Variants in ZSWIM8 observed in about 807,000 individuals in gnomAD.
ZSWIM8 encodes zinc finger SWIM domain-containing protein 8.
A neutral mutation model predicts 173.7 loss-of-function variants in ZSWIM8; 27 were observed. That is an observed-to-expected ratio of 0.16 (90% confidence interval 0.11 to 0.21). The LOEUF (loss-of-function observed/expected upper bound fraction) is 0.21, where lower values mean the gene tolerates loss of function less well. Ranked by LOEUF, ZSWIM8 falls within the 10% of genes least tolerant of loss-of-function variation. The pLI is 1.00. For synonymous variants in ZSWIM8, 958 were observed against 962.0 expected (o/e 1.00, Z 0.08); for missense variants, 1,627 against 2,428.8 (o/e 0.67, Z 6.94).
In ZSWIM8 at chr10:73,785,957, C is replaced by T; in HGVS notation, c.79C>T (p.Leu27Phe). ...TTCGGACCGTTTTGAGGAGGATTCA[C>T]TCTGTTCCTTCATCTCCGAGGCCGA... is the stretch of plus-strand genomic sequence containing the variant. ...EDSDRFEEDSLCSFISEAESL... is the reference protein window; with the variant it reads ...EDSDRFEEDSFCSFISEAESL... The change falls in exon 1 of 26, where the codon CTC (leucine) becomes TTC (phenylalanine). Residue 27 changes from leucine to phenylalanine, a missense_variant. Leu to Phe is a conservative substitution (Grantham distance 22, BLOSUM62 0). This residue lies in a region of ZSWIM8 where 60 missense variants were observed against 93.9 expected (regional missense o/e 0.64). Transcript: ENST00000604729. 6.4e-7 allele frequency: 1 copy of T among 1,572,484 alleles called. No homozygotes were observed. Among genetic ancestry groups the T allele is most frequent in the Non-Finnish European group, 8.6e-7 (1 of 1,159,016 alleles).
At position 73,799,035 on chromosome 10, in the gene ZSWIM8, G is replaced by A; in HGVS notation, c.4210G>A (p.Val1404Met). ...GATGTTGGAGAAGGCCTGCATGGCAGTGGAAGAGGCAGCTAAGGGTGGGGG... is the reference window on the plus strand; with the variant it reads ...GATGTTGGAGAAGGCCTGCATGGCAATGGAAGAGGCAGCTAAGGGTGGGGG... ...NLMLEKACMA[V>M]EEAAKGGGVY... Residue 1404 changes from valine to methionine, a missense_variant, in exon 21 of 26, where the codon GTG becomes ATG. Around this residue, in one of 18 missense-constraint regions of ZSWIM8, gnomAD observed 95 missense variants for 271.3 expected, o/e 0.35. Transcript: ENST00000604729. The A allele has an allele frequency of 1.2e-6, 2 of 1,612,896 alleles. No homozygotes were observed. The highest frequency in any genetic ancestry group is 1.7e-6 in the Non-Finnish European group (2 of 1,179,156).
At chr10:73,799,867 C>T (rs533391860) in intron 21 of ZSWIM8, 144 bp from the exon 22 acceptor site, 4 of 788,728 alleles carry the variant, frequency 5.1e-6, no homozygotes, top group East Asian at 2.7e-5. Context: ...GAGCCGATAT[C>T]GTGCCACTGC....
chr10:73,786,446 T>G (rs765708104), intron 1 of ZSWIM8: 1 of 239,674 alleles, frequency 4.2e-6, no homozygotes, highest in Non-Finnish European at 8.0e-6. Flanking sequence ...GGGAGAAGAA[T>G]CTTGTCTTTG....
At position 73,796,983 on chromosome 10, in the gene ZSWIM8, C is replaced by T; in HGVS notation, c.3243C>T (p.Pro1081=). The change falls in exon 16 of 26, where the codon CCC becomes CCT. Residue 1081 remains proline, a synonymous_variant. Transcript: ENST00000604729. ...PGSVAGAGPG[P]TEGFTEKNVP... is the part of the protein sequence containing the mutation. ...GTGTGGCAGGGGCTGGGCCAGGCCC[C>T]ACTGAGGGCTTCACAGAGAAGAATG... 1 of 1,612,526 alleles carries T rather than the reference C, an allele frequency of 6.2e-7. No individual in the cohort carries two copies. The highest frequency in any genetic ancestry group is 8.5e-7 in the Non-Finnish European group (1 of 1,178,936).
At chr10:73,793,453 C>T (rs995349981) in intron 10 of ZSWIM8, 135 bp from the exon 11 acceptor site, 10 of 955,934 alleles carry the variant, frequency 1.0e-5, no homozygotes, top group East Asian at 5.4e-5. Context: ...GTCTTTCTAA[C>T]CAGAGCTCCT....
In ZSWIM8 at chr10:73,801,153, C is replaced by G; in HGVS notation, c.5259C>G (p.Ala1753=). The G allele has an allele frequency of 1.3e-6, 2 of 1,596,068 alleles. No homozygotes were observed. Among genetic ancestry groups the G allele is most frequent in the Non-Finnish European group, 1.7e-6 (2 of 1,171,954 alleles). ...CCCACAACCACCTGCGTGCCCCGGC[C>G]TTCCACCAACTGGTGCAGCGCTGCC... ...AHAHNHLRAP[A]FHQLVQRCQQ... Residue 1753 remains alanine (A), a synonymous_variant, in exon 25 of 26, where the codon GCC becomes GCG. Transcript: ENST00000604729. This position sits in a 1 kb window ranked among gnomAD's most constrained non-coding sequence, Gnocchi z 4.9.
At position 73,788,783 on chromosome 10, in the gene ZSWIM8, A is replaced by G; in HGVS notation, c.322A>G (p.Ile108Val). Reference sequence around the variant, plus strand: ...AGTGCCTGAGCAGCTACAGCTCCGAATTGCTTTTTGGAGCTTCCCTGAGAA... The same window carrying G: ...AGTGCCTGAGCAGCTACAGCTCCGAGTTGCTTTTTGGAGCTTCCCTGAGAA... The part of the protein sequence containing the change: ...PPVPEQLQLR[I>V]AFWSFPENEE... Residue 108 changes from isoleucine (I) to valine (V), a missense_variant, in exon 2 of 26, where the codon ATT becomes GTT. By Grantham distance (29) the Ile-to-Val change is conservative. Coordinates refer to ENST00000604729, the MANE Select transcript of ZSWIM8 (RefSeq NM_001367799.1). 6.2e-7 allele frequency: 1 copy of G among 1,613,884 alleles called. No homozygotes were observed. The highest frequency in any genetic ancestry group is 2.2e-5 in the East Asian group (1 of 44,888).
At position 73,791,782 on chromosome 10, in the gene ZSWIM8, C is replaced by T; in HGVS notation, c.1320-77C>T. ...TCCTGTATCCTTTCCCCATGCCTCT[C>T]TTTGGGGTGTACACCTACTCCATGC... On this transcript the variant is annotated intron_variant, in intron 9 of 25. Transcript: ENST00000604729. The surrounding 1 kb of genome is among the most constrained non-coding windows in gnomAD (Gnocchi z 6.0). 1.4e-6 allele frequency: 2 copies of T among 1,441,150 alleles called. No individual in the cohort carries two copies. The highest frequency in any genetic ancestry group is 1.4e-5 in the African/African-American group (1 of 69,742). The allele number at this position is 1,441,150 out of a possible 1,614,324, so 89.3% of individuals were successfully genotyped here. A position where few individuals can be genotyped will look rare whatever the true frequency, so the allele number is the denominator to read the frequency against.
rs2083424389 is a variant in ZSWIM8, at chr10:73,791,795, A to G, written c.1320-64A>G. The G allele has an allele frequency of 6.8e-7, 1 of 1,460,960 alleles. No individual in the cohort carries two copies. The highest frequency in any genetic ancestry group is 2.5e-5 in the Admixed American group (1 of 39,584). The allele number at this position is 1,460,960 out of a possible 1,614,324, so 90.5% of individuals were successfully genotyped here. Reference sequence around the variant, plus strand: ...CCCCATGCCTCTCTTTGGGGTGTACACCTACTCCATGCCCATCCTTTCCCA... The same window carrying G: ...CCCCATGCCTCTCTTTGGGGTGTACGCCTACTCCATGCCCATCCTTTCCCA... On this transcript the variant is annotated intron_variant, in intron 9 of 25. Coordinates refer to ENST00000604729, the MANE Select transcript of ZSWIM8 (RefSeq NM_001367799.1). This position sits in a 1 kb window ranked among gnomAD's most constrained non-coding sequence, Gnocchi z 6.0.
chr10:73,797,446 C>G lies in ZSWIM8; in HGVS notation c.3503C>G (p.Pro1168Arg). 6.2e-7 allele frequency: 1 copy of G among 1,613,898 alleles called. No homozygotes were observed. Among genetic ancestry groups the G allele is most frequent in the South Asian group, 1.1e-5 (1 of 91,078 alleles). The change falls in exon 18 of 26, where the codon CCA becomes CGA. Residue 1168 changes from proline to arginine, a missense_variant. Pro to Arg is a moderately radical substitution (Grantham distance 103). Coordinates refer to ENST00000604729, the MANE Select transcript of ZSWIM8 (RefSeq NM_001367799.1). The surrounding 1 kb of genome is among the most constrained non-coding windows in gnomAD (Gnocchi z 5.6). ...AGTTCCCCCACCTTAAGCCGGAGAC[C>G]ACTTCGAGGGGGCTGGGCCCCCACC... ...SDSSPTLSRRPLRGGWAPTSW... is the reference protein window; with the variant it reads ...SDSSPTLSRRRLRGGWAPTSW...
chr10:73,797,140 G>A lies in ZSWIM8; in HGVS notation c.3302G>A (p.Gly1101Asp). Residue 1101 changes from glycine to aspartate, a missense_variant, in exon 17 of 26, where the codon GGT (glycine) becomes GAT (aspartate). Transcript: ENST00000604729. This position sits in a 1 kb window ranked among gnomAD's most constrained non-coding sequence, Gnocchi z 5.6. The part of the protein sequence containing the change: ...PESSPHSPCE[G>D]LPSEAALTPR... Reference sequence around the variant, plus strand: ...AGTTCCCCACATTCCCCCTGTGAGGGTCTTCCATCTGAGGCAGCTTTGACC... The same window carrying A: ...AGTTCCCCACATTCCCCCTGTGAGGATCTTCCATCTGAGGCAGCTTTGACC... 3 of 1,613,720 alleles carry A rather than the reference G, an allele frequency of 1.9e-6. No individual in the cohort carries two copies. Among genetic ancestry groups the A allele is most frequent in the Non-Finnish European group, 2.5e-6 (3 of 1,179,748 alleles).
chr10:73,791,189 C>T lies in ZSWIM8; in HGVS notation c.1143+13C>T, dbSNP rs569732997. 372 of 1,585,204 alleles carry T rather than the reference C, an allele frequency of 2.3e-4. 1 individual carries two copies. The South Asian group carries it at 3.8e-3, about 16-fold the overall frequency. On this transcript the variant is annotated intron_variant, in intron 8 of 25. Coordinates refer to ENST00000604729, the MANE Select transcript of ZSWIM8 (RefSeq NM_001367799.1). This position sits in a 1 kb window ranked among gnomAD's most constrained non-coding sequence, Gnocchi z 6.0. ...CACCTATGAACAGGTAATCACTCAG[C>T]GTTGGGGAGCCCCGTGGTAGCTCAT... is the stretch of plus-strand genomic sequence containing the variant.
chr10:73,789,296 C>T lies in ZSWIM8; in HGVS notation c.458-71C>T, dbSNP rs1358589063. 2 of 1,582,306 alleles carry T rather than the reference C, an allele frequency of 1.3e-6. No individual in the cohort carries two copies. Among genetic ancestry groups the T allele is most frequent in the Non-Finnish European group, 1.7e-6 (2 of 1,161,610 alleles). On this transcript the variant is annotated intron_variant, in intron 3 of 25. Coordinates refer to ENST00000604729, the MANE Select transcript of ZSWIM8 (RefSeq NM_001367799.1). The surrounding 1 kb of genome is among the most constrained non-coding windows in gnomAD (Gnocchi z 6.8). ...CTGGAGCATGTTGTCTGAATAACTGCAGGGCCAGGGTCAAGGGCAGAGACC... is the reference window on the plus strand; with the variant it reads ...CTGGAGCATGTTGTCTGAATAACTGTAGGGCCAGGGTCAAGGGCAGAGACC...
chr10:73,787,526 C>G (rs913357217), intron 1 of ZSWIM8, among the ~76,000 whole-genome samples: 1 of 152,124 alleles, frequency 6.6e-6, no homozygotes, highest in Non-Finnish European at 1.5e-5. Context: ...CCATATTACC[C>G]CAGTCCCCCG....
rs750264781 is a variant in ZSWIM8 at position 73,789,181 on chromosome 10, T to C, written c.448T>C (p.Leu150=). Residue 150 remains leucine, a synonymous_variant, in exon 3 of 26, where the codon TTG becomes CTG. Coordinates refer to ENST00000604729, the MANE Select transcript of ZSWIM8 (RefSeq NM_001367799.1). This position sits in a 1 kb window ranked among gnomAD's most constrained non-coding sequence, Gnocchi z 6.8. ...CCGCATGCGGGCTGTGAAGGACCCA[T>C]TGCAGATAGGTGAGTGGGCCATCAT... ...LFRMRAVKDP[L]QIGFHLSATV... 4.3e-6 allele frequency: 7 copies of C among 1,613,864 alleles called. No individual in the cohort carries two copies. In the Admixed American group the frequency reaches 5.0e-5, roughly 12 times the overall value.
Position 73,801,304 on chromosome 10 carries a change from A to C in ZSWIM8, c.5302-12A>C. ...TTGTACTAAGGCTCATCCTGCACAC[A>C]TCCTCCTCCAGTACATCCACCACCG... On this transcript the variant is annotated splice_polypyrimidine_tract_variant and intron_variant, in intron 25 of 25. Transcript: ENST00000604729. This position sits in a 1 kb window ranked among gnomAD's most constrained non-coding sequence, Gnocchi z 4.9. 2.5e-6 allele frequency: 4 copies of C among 1,613,320 alleles called. No individual in the cohort carries two copies. Among genetic ancestry groups the C allele is most frequent in the South Asian group, 1.1e-5 (1 of 91,058 alleles).
In ZSWIM8 at chr10:73,797,475, T is replaced by C; in HGVS notation, c.3532T>C (p.Trp1178Arg). 1 of 1,613,946 alleles carries C rather than the reference T, an allele frequency of 6.2e-7. No homozygotes were observed. The highest frequency in any genetic ancestry group is 1.3e-5 in the African/African-American group (1 of 75,022). The change falls in exon 18 of 26, where the codon TGG becomes CGG. Residue 1178 changes from tryptophan (W) to arginine (R), a missense_variant. This residue lies in a region of ZSWIM8 where 72 missense variants were observed against 98.4 expected (regional missense o/e 0.73). Coordinates refer to ENST00000604729, the MANE Select transcript of ZSWIM8 (RefSeq NM_001367799.1). This position sits in a 1 kb window ranked among gnomAD's most constrained non-coding sequence, Gnocchi z 5.6. Reference protein sequence around the residue: ...PLRGGWAPTSWGRGQDSDSIS... With the variant: ...PLRGGWAPTSRGRGQDSDSIS... ...TCGAGGGGGCTGGGCCCCCACCTCC[T>C]GGGGTCGAGGTCAGGACAGTGACAG...
chr10:73,792,922 T>A lies in ZSWIM8; in HGVS notation c.2313+70T>A, dbSNP rs2083471748. ...ACTGGGAGGGGCTATCTAGCTCTAGTTGGGAGTGTCAGGACCATCAGCAGG... is the reference window on the plus strand; with the variant it reads ...ACTGGGAGGGGCTATCTAGCTCTAGATGGGAGTGTCAGGACCATCAGCAGG... On this transcript the variant is annotated intron_variant, in intron 10 of 25. Transcript: ENST00000604729. This position sits in a 1 kb window ranked among gnomAD's most constrained non-coding sequence, Gnocchi z 4.3. 6.7e-7 allele frequency: 1 copy of A among 1,486,986 alleles called. No individual in the cohort carries two copies. The highest frequency in any genetic ancestry group is 1.4e-5 in the African/African-American group (1 of 71,384). The allele number at this position is 1,486,986 out of a possible 1,614,324, so 92.1% of individuals were successfully genotyped here.
In ZSWIM8 at chr10:73,792,673, C is replaced by T. The variant is rs182595193; in HGVS notation, c.2134C>T (p.Leu712Phe). ...LPSTDESGNG[L>F]PKTKEAAPAV... ...TTCTACAGATGAGAGTGGCAATGGGCTTCCCAAAACCAAAGAGGCAGCCCC... is the reference window on the plus strand; with the variant it reads ...TTCTACAGATGAGAGTGGCAATGGGTTTCCCAAAACCAAAGAGGCAGCCCC... Residue 712 changes from leucine to phenylalanine, a missense_variant, in exon 10 of 26, where the codon CTT becomes TTT. Coordinates refer to ENST00000604729, the MANE Select transcript of ZSWIM8 (RefSeq NM_001367799.1). The surrounding 1 kb of genome is among the most constrained non-coding windows in gnomAD (Gnocchi z 4.3). 86 of 1,614,032 alleles carry T rather than the reference C, an allele frequency of 5.3e-5. No individual in the cohort carries two copies. The African/African-American group carries it at 9.9e-4, about 19-fold the overall frequency.
Sources: allele counts gnomAD v4.1 joint callset (sites outside exome capture counted in the v4.1 genomes callset), GRCh38; gene constraint gnomAD v4.1.1; regional missense constraint gnomAD v4.1.1; non-coding constraint Gnocchi (gnomAD v3.1); transcripts MANE v1.5; gene names NCBI Gene and HGNC (gene_info 2026-07-23, HGNC 2026-07-21).